The following FSTL4 variants were observed in gnomAD, a reference collection of about 807,000 sequenced individuals.
FSTL4 encodes follistatin-related protein 4.
In FSTL4, 28 loss-of-function variants were observed where a neutral mutation model predicts 78.2. That is an observed-to-expected ratio of 0.36 (90% confidence interval 0.27 to 0.49). FSTL4 has a LOEUF of 0.49. Ranked by LOEUF, FSTL4 falls within the 20% of genes least tolerant of loss-of-function variation. The probability of loss-of-function intolerance (pLI) is 0.98; values close to 1 mark genes in which losing one functional copy is unlikely to be tolerated. For missense variants in FSTL4, 922 were observed against 1,084.9 expected (o/e 0.85, Z 2.11); for synonymous variants, 422 against 440.5 (o/e 0.96, Z 0.53).
At chr5:133,337,472 G>T (rs1307133858) in intron 4 of FSTL4, among the ~76,000 whole-genome samples, 1 of 152,182 alleles carries the variant, frequency 6.6e-6, no homozygotes, top group Non-Finnish European at 1.5e-5. Flanking sequence ...TCGAGGAGTG[G>T]ATCTGGGTCC....
chr5:133,454,735 T>G lies in FSTL4; in HGVS notation c.161-53749A>C, dbSNP rs546431851. Among the ~76,000 whole-genome samples the G allele has an allele frequency of 2.0e-5, 3 of 152,358 alleles. No homozygotes were observed. In the East Asian group the frequency reaches 5.8e-4, roughly 29 times the overall value. ...ACATTCTGTTGACCTAGAATTTGTC[T>G]GTTCTGAATACCACACAAAGTTTGC... On this transcript the variant is annotated intron_variant, in intron 3 of 15. Coordinates refer to ENST00000265342, the MANE Select transcript of FSTL4 (RefSeq NM_015082.2).
the FSTL4 span, among the ~76,000 whole-genome samples, chr5:133,803,157 C>A: frequency 6.6e-6 from 1 of 152,188 alleles, no homozygotes; most frequent in African/African-American, 2.4e-5. Flanking sequence ...GGCAAGCACC[C>A]CTGAATGTCT....
chr5:133,293,447 T>C (rs906723292), intron 6 of FSTL4, among the ~76,000 whole-genome samples: 1 of 152,226 alleles, frequency 6.6e-6, no homozygotes, highest in African/African-American at 2.4e-5. Flanking sequence ...CTCTGTGGCC[T>C]GCATGTCTTT....
chr5:133,826,070 G>C, the FSTL4 span, among the ~76,000 whole-genome samples: 1 of 152,202 alleles, frequency 6.6e-6, no homozygotes, highest in Non-Finnish European at 1.5e-5. Flanking sequence ...TCTGAGCTGA[G>C]CAAAATCAAT....
At chr5:133,568,084 G>A (rs1760067136) in intron 2 of FSTL4, among the ~76,000 whole-genome samples, 1 of 152,220 alleles carries the variant, frequency 6.6e-6, no homozygotes, top group African/African-American at 2.4e-5. Flanking sequence ...GGTGGACCAG[G>A]AAGAGAGAAT....
chr5:133,528,358 AT>A (rs1020954480), intron 3 of FSTL4, among the ~76,000 whole-genome samples: 1 of 152,104 alleles, frequency 6.6e-6, no homozygotes, highest in Non-Finnish European at 1.5e-5. Flanking sequence ...TCTTGCTCTC[AT>A]GGAATTTTCT....
intron 3 of FSTL4, among the ~76,000 whole-genome samples, chr5:133,561,335 G>T (rs184141852): frequency 6.6e-6 from 1 of 152,122 alleles, no homozygotes; most frequent in African/African-American, 2.4e-5. Flanking sequence ...TGCACACACA[G>T]TCACCCCTCC....
At chr5:133,806,170 T>C in the FSTL4 span, among the ~76,000 whole-genome samples, 1 of 152,218 alleles carries the variant, frequency 6.6e-6, no homozygotes, top group East Asian at 1.9e-4. Context: ...GGGTAGAGGC[T>C]TTTGTCTTGG....
chr5:133,331,687 G>GGGGC (rs1016421313), intron 4 of FSTL4, among the ~76,000 whole-genome samples: 75 of 152,256 alleles, frequency 4.9e-4, no homozygotes, highest in African/African-American at 1.8e-3. Context: ...AATTTCCTGA[G>GGGGC]GTTTGAAGAT....
At chr5:133,561,144 T>G (rs1759906071) in intron 3 of FSTL4, among the ~76,000 whole-genome samples, 1 of 148,456 alleles carries the variant, frequency 6.7e-6, no homozygotes, top group African/African-American at 2.5e-5. Context: ...ATAATAATTC[T>G]TCATGGAAAA....
chr5:133,773,226 A>T, the FSTL4 span, among the ~76,000 whole-genome samples: 851 of 151,642 alleles, frequency 5.6e-3, 7 homozygotes, highest in African/African-American at 0.02. Flanking sequence ...GGACTGGAAG[A>T]TTAAAGTACT....
intron 3 of FSTL4, among the ~76,000 whole-genome samples, chr5:133,558,424 C>T (rs948367158): frequency 6.6e-6 from 1 of 152,094 alleles, no homozygotes; most frequent in African/African-American, 2.4e-5. Flanking sequence ...ATGGGAGAAC[C>T]AGCTCTGTGC....
Position 133,233,539 on chromosome 5 carries a change from T to C in FSTL4, c.895-2A>G. The C allele has an allele frequency of 6.2e-7, 1 of 1,611,034 alleles. No individual in the cohort carries two copies. Among genetic ancestry groups the C allele is most frequent in the Non-Finnish European group, 8.5e-7 (1 of 1,179,468 alleles). ...CAGGGAATCATCCTCTCCAAAGTCC[T>C]GCACAGGGCAAAGATGACGATGAGA... On this transcript the variant is annotated splice_acceptor_variant, in intron 7 of 15. Transcript: ENST00000265342. LOFTEE classifies it high-confidence loss of function.
At chr5:133,378,280 T>A (rs1004698246) in intron 4 of FSTL4, among the ~76,000 whole-genome samples, 2 of 152,202 alleles carry the variant, frequency 1.3e-5, no homozygotes, top group Admixed American at 6.5e-5. Context: ...TAGCTGATTT[T>A]AAAAGCAATT....
chr5:133,638,930 T>TA, the FSTL4 span, among the ~76,000 whole-genome samples: 4 of 151,964 alleles, frequency 2.6e-5, no homozygotes, highest in Admixed American at 6.6e-5. Flanking sequence ...AGGTTTTTTT[T>TA]AACCTTTTAA....
chr5:133,786,679 G>A, the FSTL4 span, among the ~76,000 whole-genome samples: 3 of 152,228 alleles, frequency 2.0e-5, no homozygotes, highest in African/African-American at 7.2e-5. Flanking sequence ...GTGAGGAAGT[G>A]AGACAGGCAT....
Position 133,540,321 on chromosome 5 carries a change from T to C in FSTL4, c.160+26865A>G, listed in dbSNP as rs1015283041. Among the ~76,000 whole-genome samples, 9 of 152,036 alleles carry C rather than the reference T, an allele frequency of 5.9e-5. 1 individual carries two copies. Among genetic ancestry groups the C allele is most frequent in the Non-Finnish European group, 1.3e-4 (9 of 68,004 alleles). ...ATTCTGTTTCTGCAGAGAACCCTAA[T>C]ACATACTTTTTCCAAGAAAAGCCAA... On this transcript the variant is annotated intron_variant, in intron 3 of 15. Coordinates refer to ENST00000265342, the MANE Select transcript of FSTL4 (RefSeq NM_015082.2).
the FSTL4 span, among the ~76,000 whole-genome samples, chr5:133,634,949 T>C: frequency 6.6e-6 from 1 of 152,172 alleles, no homozygotes; most frequent in Admixed American, 6.6e-5. Context: ...GTTATAAATA[T>C]ATTGTTTTTA....
the FSTL4 span, among the ~76,000 whole-genome samples, chr5:133,812,590 C>A: frequency 1.3e-5 from 2 of 152,238 alleles, no homozygotes; most frequent in African/African-American, 4.8e-5. Flanking sequence ...CAAGTATCAT[C>A]TCCTCAGAGA....
Sources: allele counts gnomAD v4.1 joint callset (sites outside exome capture counted in the v4.1 genomes callset), GRCh38; gene constraint gnomAD v4.1.1; transcripts MANE v1.5; gene names NCBI Gene and HGNC (gene_info 2026-07-23, HGNC 2026-07-21).